The following GPC6 variants were observed in gnomAD, a reference collection of about 807,000 sequenced individuals.
GPC6 encodes glypican-6.
A neutral mutation model predicts 55.2 loss-of-function variants in GPC6; 14 were observed. That is an observed-to-expected ratio of 0.25 (90% CI 0.17 to 0.40). The LOEUF (loss-of-function observed/expected upper bound fraction) is 0.40. Among genes scored for constraint, GPC6 ranks in the 10% least tolerant of loss-of-function variants. The pLI is 1.00. For missense variants in GPC6, 641 were observed against 708.5 expected (o/e 0.90, Z 1.08); for synonymous variants, 278 against 259.6 (o/e 1.07, Z -0.68).
chr13:94,162,814 G>A (rs2138915842), intron 4 of GPC6, among the ~76,000 whole-genome samples: 1 of 152,234 alleles, frequency 6.6e-6, no homozygotes, highest in Non-Finnish European at 1.5e-5. Flanking sequence ...TGTTCAGGAA[G>A]TAGTTCATTT....
chr13:94,232,883 A>G (rs963207159), intron 4 of GPC6, among the ~76,000 whole-genome samples: 3 of 152,182 alleles, frequency 2.0e-5, no homozygotes, highest in African/African-American at 7.2e-5. Flanking sequence ...GGCCAAAAGA[A>G]TAAGTCAGGC....
chr13:93,922,828 T>C (rs1451944655), intron 3 of GPC6, among the ~76,000 whole-genome samples: 1 of 152,180 alleles, frequency 6.6e-6, no homozygotes, highest in African/African-American at 2.4e-5. Flanking sequence ...TCTAATCAAT[T>C]TGTATTCTAT....
chr13:94,056,713 CTAATGATCAA>C (rs1322601787), intron 4 of GPC6, among the ~76,000 whole-genome samples: 1 of 151,772 alleles, frequency 6.6e-6, no homozygotes, highest in East Asian at 1.9e-4. Flanking sequence ...AGTAGAGATA[CTAATGATCAA>C]TAATGGAAAA....
chr13:93,899,874 G>A (rs1876250227), intron 3 of GPC6, among the ~76,000 whole-genome samples: 1 of 152,096 alleles, frequency 6.6e-6, no homozygotes. Context: ...TGTTGATCAG[G>A]CAATTGTGCT....
intron 2 of GPC6, among the ~76,000 whole-genome samples, chr13:93,590,803 A>G (rs1877428489): frequency 6.6e-6 from 1 of 152,142 alleles, no homozygotes; most frequent in South Asian, 2.1e-4. Flanking sequence ...TGTGGTTACA[A>G]TTCTTCAGAA....
intron 3 of GPC6, among the ~76,000 whole-genome samples, chr13:93,856,981 CTTG>C (rs1888639578): frequency 6.6e-6 from 1 of 151,560 alleles, no homozygotes. Flanking sequence ...GTGCCTATTT[CTTG>C]TTGTAGATTC....
chr13:93,850,738 C>T (rs771563471), intron 3 of GPC6, among the ~76,000 whole-genome samples: 1 of 151,752 alleles, frequency 6.6e-6, no homozygotes, highest in African/African-American at 2.4e-5. Flanking sequence ...ATAGGAGATA[C>T]CTGGAAGGGA....
At chr13:93,543,874 A>G (rs1263289858) in intron 1 of GPC6, among the ~76,000 whole-genome samples, 3 of 152,090 alleles carry the variant, frequency 2.0e-5, no homozygotes, top group Admixed American at 2.0e-4. Flanking sequence ...TAGTCTTTTG[A>G]GGAACCTCCA....
At chr13:93,795,335 T>G (rs765296353) in intron 2 of GPC6, among the ~76,000 whole-genome samples, 13 of 152,226 alleles carry the variant, frequency 8.5e-5, no homozygotes, top group Non-Finnish European at 1.9e-4. Context: ...CATCTGGATA[T>G]CAAGACAATC....
chr13:93,818,804 G>A (rs1250290101), intron 2 of GPC6: 1 of 152,174 alleles, frequency 6.6e-6, no homozygotes, highest in Non-Finnish European at 1.5e-5. Context: ...AAAGAGAAGG[G>A]AAAGGAAATG....
chr13:94,082,225 C>T (rs775120345), intron 4 of GPC6, among the ~76,000 whole-genome samples: 1 of 152,088 alleles, frequency 6.6e-6, no homozygotes, highest in African/African-American at 2.4e-5. Flanking sequence ...ACCAACATGT[C>T]TTCATGTCCT....
chr13:93,714,642 G>T (rs1473543388), intron 2 of GPC6, among the ~76,000 whole-genome samples: 1 of 151,552 alleles, frequency 6.6e-6, no homozygotes, highest in Non-Finnish European at 1.5e-5. Context: ...TCCTTGAGGG[G>T]GTCATGGGAG....
chr13:94,039,263 T>A (rs1883447307), intron 4 of GPC6, among the ~76,000 whole-genome samples: 4 of 151,926 alleles, frequency 2.6e-5, no homozygotes, highest in Admixed American at 2.0e-4. Context: ...GGCACAGGGT[T>A]TTTTTATCCA....
intron 3 of GPC6, among the ~76,000 whole-genome samples, chr13:93,842,877 T>G (rs1053732655): frequency 5.3e-5 from 8 of 152,160 alleles, no homozygotes; most frequent in African/African-American, 1.7e-4. Context: ...CATCTGAATT[T>G]TTTTGAAGAA....
intron 2 of GPC6, among the ~76,000 whole-genome samples, chr13:93,554,452 A>C (rs138984842): frequency 6.6e-6 from 1 of 152,162 alleles, no homozygotes; most frequent in Non-Finnish European, 1.5e-5. Context: ...ATGAGGCTTA[A>C]TCTTTAAATC....
intron 6 of GPC6, among the ~76,000 whole-genome samples, chr13:94,352,093 C>T (rs950749632): frequency 7.2e-5 from 11 of 152,026 alleles, no homozygotes; most frequent in African/African-American, 1.9e-4. Context: ...GTTAACGAAG[C>T]TCCTGGAAAG....
At chr13:93,688,722 A>C (rs1490560543) in intron 2 of GPC6, among the ~76,000 whole-genome samples, 2 of 152,054 alleles carry the variant, frequency 1.3e-5, no homozygotes, top group African/African-American at 4.8e-5. Context: ...GAGTGGGCAA[A>C]TTCGTAGAGA....
chr13:93,848,445 C>T (rs2139008381), intron 3 of GPC6, among the ~76,000 whole-genome samples: 1 of 152,254 alleles, frequency 6.6e-6, no homozygotes, highest in South Asian at 2.1e-4. Flanking sequence ...CAAGAATAGG[C>T]TGTTGCCACC....
At chr13:93,285,919 A>C (rs546715985) in intron 1 of GPC6, among the ~76,000 whole-genome samples, 137 of 152,102 alleles carry the variant, frequency 9.0e-4, no homozygotes, top group Non-Finnish European at 1.8e-3. Flanking sequence ...AAAATTTAGG[A>C]GATAATAGGC....
Sources: allele counts gnomAD v4.1 joint callset (sites outside exome capture counted in the v4.1 genomes callset), GRCh38; gene constraint gnomAD v4.1.1; transcripts MANE v1.5; gene names NCBI Gene and HGNC (gene_info 2026-07-23, HGNC 2026-07-21).